Variants in LETM1 observed in about 807,000 individuals in gnomAD.
LETM1 encodes mitochondrial proton/calcium exchanger protein.
A neutral mutation model predicts 74.5 loss-of-function variants in LETM1; 50 were observed. That is an observed-to-expected ratio of 0.67 (90% CI 0.53 to 0.85). The LOEUF is 0.85. LETM1 is among the 40% of genes least tolerant of loss of function. The pLI is 0.00. For missense variants in LETM1, 824 were observed against 967.8 expected (o/e 0.85, Z 1.97); for synonymous variants, 446 against 407.1 (o/e 1.10, Z -1.15).
In LETM1 at chr4:1,819,479, T is replaced by C. The variant is rs766878666; in HGVS notation, c.1609-7A>G. 1.2e-6 allele frequency: 2 copies of C among 1,609,304 alleles called. No individual in the cohort carries two copies. Among genetic ancestry groups the C allele is most frequent in the Non-Finnish European group, 1.7e-6 (2 of 1,177,996 alleles). On this transcript the variant is annotated splice_polypyrimidine_tract_variant and splice_region_variant and intron_variant, in intron 10 of 13. Coordinates refer to ENST00000302787, the MANE Select transcript of LETM1 (RefSeq NM_012318.3). ...CCTTCGTGATCTCTTCCTCCTGGGA[T>C]AAAAATGGGCAAACAACAAAGCCTG... is the stretch of plus-strand genomic sequence containing the variant.
chr4:1,841,554 G>C lies in LETM1; in HGVS notation c.387C>G (p.Asp129Glu), dbSNP rs1251679698. 2.7e-5 allele frequency: 44 copies of C among 1,614,100 alleles called. No individual in the cohort carries two copies. Among genetic ancestry groups the C allele is most frequent in the Admixed American group, 5.0e-5 (3 of 60,000 alleles). The change falls in exon 3 of 14, where the codon GAC becomes GAG. Residue 129 changes from aspartate to glutamate, a missense_variant. This residue lies in a region of LETM1 where 222 missense variants were observed against 195.6 expected (regional missense o/e 1.14). Coordinates refer to ENST00000302787, the MANE Select transcript of LETM1 (RefSeq NM_012318.3). ...CGCCTTCCTCCAGCTTCTTGTTCTT[G>C]TCCTTCAAGGACTTGAGGGACTTCT... Reference protein sequence around the residue: ...VVEKSLKSLKDKNKKLEEGGP... With the variant: ...VVEKSLKSLKEKNKKLEEGGP...
intron 3 of LETM1, among the ~76,000 whole-genome samples, chr4:1,838,457 G>C (rs1353241211): frequency 6.6e-6 from 1 of 152,114 alleles, no homozygotes; most frequent in Non-Finnish European, 1.5e-5. Context: ...CAGCAGGACT[G>C]CTTGAGGTCA....
intron 1 of LETM1, among the ~76,000 whole-genome samples, chr4:1,853,873 G>C (rs904431318): frequency 6.6e-6 from 1 of 152,136 alleles, no homozygotes; most frequent in Non-Finnish European, 1.5e-5. Flanking sequence ...AATCCCTACT[G>C]TTTCTACAGC....
rs1712472348 is a variant in LETM1 at position 1,836,669 on chromosome 4, C to T, written c.595-97G>A. On this transcript the variant is annotated intron_variant, in intron 3 of 13. Coordinates refer to ENST00000302787, the MANE Select transcript of LETM1 (RefSeq NM_012318.3). The surrounding 1 kb of genome is among the most constrained non-coding windows in gnomAD (Gnocchi z 5.8). ...CTCCTATAATGGTTTATAGGCACAA[C>T]CTCAGGCAGCGACTCACAGGACCCA... 2 of 1,350,582 alleles carry T rather than the reference C, an allele frequency of 1.5e-6. No individual in the cohort carries two copies. The highest frequency in any genetic ancestry group is 2.1e-6 in the Non-Finnish European group (2 of 969,916). 83.7% of individuals were successfully genotyped at this position (1,350,582 alleles called of 1,614,324 possible).
intron 6 of LETM1, among the ~76,000 whole-genome samples, chr4:1,828,301 ACGGGGCGGC>A (rs1712090611): frequency 9.3e-6 from 1 of 107,094 alleles, no homozygotes; most frequent in Non-Finnish European, 1.9e-5. Context: ...TCCCTCCCGG[ACGGGGCGGC>A]TGGCCGGGCA....
chr4:1,822,468 C>T, intron 9 of LETM1, 156 bp from the exon 10 acceptor site: 1 of 808,166 alleles, frequency 1.2e-6, no homozygotes, highest in Non-Finnish European at 1.7e-6. Flanking sequence ...CCTAGGGAGG[C>T]TCCATGCAGC....
intron 11 of LETM1, among the ~76,000 whole-genome samples, chr4:1,818,549 G>A (rs982198677): frequency 6.6e-6 from 1 of 152,020 alleles, no homozygotes; most frequent in African/African-American, 2.4e-5. Flanking sequence ...GGAGGCGGAA[G>A]TTGCAGTGAG....
At position 1,834,455 on chromosome 4, in the gene LETM1, CT is replaced by C; in HGVS notation, c.876+389del. ...CACAGTCCAGGCCTCTGACCAGCCCCTGGGACCTGGGATCTTCTTGACTGAC... is the reference window on the plus strand; with the variant it reads ...CACAGTCCAGGCCTCTGACCAGCCCCGGGACCTGGGATCTTCTTGACTGAC... On this transcript the variant is annotated intron_variant, in intron 5 of 13. Coordinates refer to ENST00000302787, the MANE Select transcript of LETM1 (RefSeq NM_012318.3). The surrounding 1 kb of genome is among the most constrained non-coding windows in gnomAD (Gnocchi z 5.0). 9.7e-7 allele frequency: 1 copy of C among 1,031,222 alleles called. No individual in the cohort carries two copies. Among genetic ancestry groups the C allele is most frequent in the Non-Finnish European group, 1.2e-6 (1 of 858,414 alleles). 63.9% of individuals were successfully genotyped at this position (1,031,222 alleles called of 1,614,324 possible). A position where few individuals can be genotyped will look rare whatever the true frequency, so the allele number is the denominator to read the frequency against.
chr4:1,840,672 T>A (rs1463290830), intron 3 of LETM1, among the ~76,000 whole-genome samples: 4 of 148,992 alleles, frequency 2.7e-5, no homozygotes, highest in African/African-American at 9.9e-5. Context: ...TCTCAAAAAA[T>A]AAATAAATAA....
intron 5 of LETM1, chr4:1,833,254 G>C: frequency 2.7e-6 from 1 of 367,844 alleles, no homozygotes; most frequent in South Asian, 2.5e-5. Context: ...TATTTTAGTA[G>C]AGATGGGATT....
At chr4:1,855,109 C>G (rs966380782) in intron 1 of LETM1, among the ~76,000 whole-genome samples, 4 of 152,156 alleles carry the variant, frequency 2.6e-5, no homozygotes, top group African/African-American at 9.7e-5. Flanking sequence ...ATAGCTTGAG[C>G]CCAGGAGTTT....
At chr4:1,819,938 T>C (rs572348830) in intron 10 of LETM1, among the ~76,000 whole-genome samples, 8 of 152,280 alleles carry the variant, frequency 5.3e-5, no homozygotes, top group African/African-American at 1.9e-4. Flanking sequence ...TGGTCGTGTG[T>C]TTCTTGTCTT....
intron 6 of LETM1, among the ~76,000 whole-genome samples, chr4:1,828,422 A>T (rs1577316200): frequency 2.2e-5 from 2 of 90,524 alleles, no homozygotes; most frequent in Admixed American, 2.2e-4. Flanking sequence ...GGCCGGGCAG[A>T]GGGGCTCCTC....
intron 2 of LETM1, among the ~76,000 whole-genome samples, chr4:1,843,416 G>T (rs1433732173): frequency 6.6e-6 from 1 of 152,226 alleles, no homozygotes; most frequent in Non-Finnish European, 1.5e-5. Flanking sequence ...CAGTGCGGCT[G>T]GTGCAGGGCA....
intron 1 of LETM1, among the ~76,000 whole-genome samples, chr4:1,855,052 G>C (rs774863330): frequency 6.6e-6 from 1 of 152,084 alleles, no homozygotes; most frequent in Non-Finnish European, 1.5e-5. Context: ...AAAATTAGCT[G>C]GGTGTTGTGT....
intron 3 of LETM1, among the ~76,000 whole-genome samples, chr4:1,841,146 T>C (rs1048551656): frequency 6.6e-6 from 1 of 152,172 alleles, no homozygotes; most frequent in Non-Finnish European, 1.5e-5. Flanking sequence ...GCCCAGGAGC[T>C]TGAGACCAGC....
In LETM1 at chr4:1,855,865, T is replaced by C; in HGVS notation, c.82+4A>G. On this transcript the variant is annotated splice_donor_region_variant and intron_variant, in intron 1 of 13. Coordinates refer to ENST00000302787, the MANE Select transcript of LETM1 (RefSeq NM_012318.3). ...GGCCCCGCCCTGGGGTGCCCGCCGC[T>C]TACCCCGCGGGACGGTGTACCGAGG... 1 of 1,227,698 alleles carries C rather than the reference T, an allele frequency of 8.1e-7. No individual in the cohort carries two copies. Among genetic ancestry groups the C allele is most frequent in the Non-Finnish European group, 1.0e-6 (1 of 986,490 alleles). The allele number at this position is 1,227,698 out of a possible 1,614,324, so 76.1% of individuals were successfully genotyped here. A position where few individuals can be genotyped will look rare whatever the true frequency, so the allele number is the denominator to read the frequency against.
chr4:1,816,970 G>A (rs560625800), intron 11 of LETM1, 56 bp from the exon 12 acceptor site: 1 of 1,449,840 alleles, frequency 6.9e-7, no homozygotes, highest in African/African-American at 1.4e-5. Flanking sequence ...AGGGGGTCAG[G>A]TGTAGTGGCT....
chr4:1,836,539 C>T lies in LETM1; in HGVS notation c.628G>A (p.Val210Met). The T allele has an allele frequency of 6.2e-7, 1 of 1,613,884 alleles. No individual in the cohort carries two copies. Among genetic ancestry groups the T allele is most frequent in the Non-Finnish European group, 8.5e-7 (1 of 1,180,008 alleles). ...LRICADLFRLVPFLVFVVVPF... is the reference protein window; with the variant it reads ...LRICADLFRLMPFLVFVVVPF... ...ACCACCACGAACACAAGGAACGGCACCAGGCGGAAGAGGTCAGCGCAGATC... is the reference window on the plus strand; with the variant it reads ...ACCACCACGAACACAAGGAACGGCATCAGGCGGAAGAGGTCAGCGCAGATC... The change falls in exon 4 of 14, where the codon GTG becomes ATG. Residue 210 changes from valine to methionine, a missense_variant. Transcript: ENST00000302787. This position sits in a 1 kb window ranked among gnomAD's most constrained non-coding sequence, Gnocchi z 5.8.
Sources: gnomAD v4.1 joint callset for allele counts (sites outside exome capture counted in the v4.1 genomes callset) on GRCh38, gnomAD v4.1.1 for gene constraint, gnomAD v4.1.1 regional missense constraint, Gnocchi (gnomAD v3.1) non-coding constraint, MANE v1.5 for transcripts, NCBI Gene and HGNC (gene_info 2026-07-23, HGNC 2026-07-21) for gene names.